SVEP1: variants seen among roughly 807,000 people sequenced by gnomAD.
SVEP1 encodes the protein sushi, von Willebrand factor type A, EGF and pentraxin domain containing 1.
In SVEP1, 164 loss-of-function variants were observed where a neutral mutation model predicts 367.3. That is an observed-to-expected ratio of 0.45 (90% CI 0.39 to 0.51). SVEP1 has a LOEUF of 0.51. SVEP1 is among the 20% of genes least tolerant of loss of function. The probability of loss-of-function intolerance (pLI) is 0.00; values close to 1 mark genes in which losing one functional copy is unlikely to be tolerated. For missense variants in SVEP1, 4,117 were observed against 4,425.3 expected (o/e 0.93, Z 1.98); for synonymous variants, 1,666 against 1,611.6 (o/e 1.03, Z -0.81).
chr9:110,432,157 A>C (rs1828360073), intron 31 of SVEP1, 123 bp from the exon 32 acceptor site: 1 of 1,136,896 alleles, frequency 8.8e-7, no homozygotes, highest in Admixed American at 3.2e-5. Context: ...ATTTGTATAG[A>C]ATTTAAATAT....
chr9:110,433,830 ACCTTT>A (rs1422056912), intron 30 of SVEP1, among the ~76,000 whole-genome samples: 1 of 151,600 alleles, frequency 6.6e-6, no homozygotes, highest in Non-Finnish European at 1.5e-5. Flanking sequence ...TCTAGCCCTT[ACCTTT>A]ATTATTTACT....
At chr9:110,460,590 TAA>T (rs2118641375) in intron 18 of SVEP1, among the ~76,000 whole-genome samples, 1 of 152,220 alleles carries the variant, frequency 6.6e-6, no homozygotes, top group African/African-American at 2.4e-5. Context: ...CCGTCTCTAC[TAA>T]AAGTACAAAA....
At chr9:110,382,458 T>C (rs570559606) in intron 43 of SVEP1, among the ~76,000 whole-genome samples, 2 of 152,350 alleles carry the variant, frequency 1.3e-5, no homozygotes, top group East Asian at 3.9e-4. Context: ...GGGCTTCCCT[T>C]TGTAGGTCAC....
chr9:110,466,499 C>T (rs1342689140), intron 17 of SVEP1, among the ~76,000 whole-genome samples: 1 of 152,096 alleles, frequency 6.6e-6, no homozygotes, highest in Non-Finnish European at 1.5e-5. Flanking sequence ...TGGCTCACGC[C>T]TGTAATCCCA....
intron 40 of SVEP1, among the ~76,000 whole-genome samples, chr9:110,393,521 G>C (rs1442445459): frequency 6.6e-6 from 1 of 152,154 alleles, no homozygotes; most frequent in East Asian, 1.9e-4. Context: ...CCAGACAGTG[G>C]GTGCAGTGCA....
intron 7 of SVEP1, among the ~76,000 whole-genome samples, 180 bp from the exon 8 acceptor site, chr9:110,497,113 G>C (rs1376913399): frequency 2.0e-5 from 3 of 152,110 alleles, no homozygotes; most frequent in Non-Finnish European, 1.5e-5. Flanking sequence ...CATGGCTTAC[G>C]AGCCCAATCT....
chr9:110,489,653 T>C lies in SVEP1; in HGVS notation c.1927A>G (p.Ile643Val), dbSNP rs1829336319. Residue 643 changes from isoleucine (I) to valine (V), a missense_variant, in exon 9 of 48, where the codon ATT (isoleucine) becomes GTT (valine). Physicochemically the swap from Ile to Val is conservative, Grantham distance 29. This residue lies in a region of SVEP1 where 2,174 missense variants were observed against 2,494.3 expected (regional missense o/e 0.87). Transcript: ENST00000374469. ...QASCIFHIKVIDAEPPVIDWC... is the reference protein window; with the variant it reads ...QASCIFHIKVVDAEPPVIDWC... ...ACAACCAAACTATATCACTTACCAATAACCTTGATATGGAAAATGCAGCTG... is the reference window on the plus strand; with the variant it reads ...ACAACCAAACTATATCACTTACCAACAACCTTGATATGGAAAATGCAGCTG... 1 of 1,611,982 alleles carries C rather than the reference T, an allele frequency of 6.2e-7. No homozygotes were observed. Among genetic ancestry groups the C allele is most frequent in the African/African-American group, 1.3e-5 (1 of 74,846 alleles).
chr9:110,391,358 C>T (rs1470373032), intron 40 of SVEP1, among the ~76,000 whole-genome samples: 2 of 151,602 alleles, frequency 1.3e-5, no homozygotes, highest in African/African-American at 2.4e-5. Context: ...GCAACCTCCA[C>T]CTCCTGTGTT....
intron 3 of SVEP1, among the ~76,000 whole-genome samples, chr9:110,538,199 T>C (rs1314663082): frequency 3.3e-5 from 5 of 151,954 alleles, no homozygotes; most frequent in Admixed American, 6.6e-5. Context: ...CCTCATTCAA[T>C]AGAAATGGAA....
intron 3 of SVEP1, among the ~76,000 whole-genome samples, chr9:110,523,654 A>G (rs964350039): frequency 8.5e-5 from 13 of 152,150 alleles, no homozygotes; most frequent in African/African-American, 3.1e-4. Flanking sequence ...AAAAAGATAC[A>G]TTGTGCAAAC....
intron 43 of SVEP1, among the ~76,000 whole-genome samples, chr9:110,383,595 G>T (rs373629455): frequency 2.8e-4 from 42 of 152,180 alleles, no homozygotes; most frequent in African/African-American, 1.0e-3. Context: ...ATGGGATCAG[G>T]GACTCGCTTA....
chr9:110,414,318 G>A (rs556512323), intron 36 of SVEP1, among the ~76,000 whole-genome samples: 2 of 151,960 alleles, frequency 1.3e-5, no homozygotes, highest in Non-Finnish European at 2.9e-5. Flanking sequence ...GAGAAATCAG[G>A]AAAAAAATAA....
chr9:110,571,478 C>T (rs895193836), intron 1 of SVEP1, among the ~76,000 whole-genome samples: 10 of 152,162 alleles, frequency 6.6e-5, no homozygotes, highest in Non-Finnish European at 1.2e-4. Flanking sequence ...CAGTAGCCAA[C>T]TGAGACCATG....
At chr9:110,552,612 G>A (rs554883768) in intron 1 of SVEP1, among the ~76,000 whole-genome samples, 2 of 152,170 alleles carry the variant, frequency 1.3e-5, no homozygotes, top group African/African-American at 4.8e-5. Flanking sequence ...GGGACAGAGT[G>A]CACAACTTAG....
chr9:110,524,085 A>T (rs1276267037), intron 3 of SVEP1, among the ~76,000 whole-genome samples: 5 of 152,140 alleles, frequency 3.3e-5, no homozygotes. Context: ...AAAAATTATA[A>T]ACTATGATAA....
chr9:110,430,485 G>A (rs1700652935), intron 32 of SVEP1, 35 bp from the exon 33 acceptor site: 12 of 1,573,560 alleles, frequency 7.6e-6, no homozygotes, highest in Non-Finnish European at 1.0e-5. Context: ...ATAATAAGTG[G>A]CTTTCACACA....
intron 18 of SVEP1, among the ~76,000 whole-genome samples, chr9:110,462,369 A>G (rs1478692883): frequency 1.3e-5 from 2 of 152,016 alleles, no homozygotes; most frequent in East Asian, 3.8e-4. Context: ...CAATTTTATT[A>G]GTTTAAGTTA....
rs779370557 is a variant in SVEP1 at position 110,503,112 on chromosome 9, T to C, written c.1409A>G (p.Tyr470Cys). 1.2e-6 allele frequency: 2 copies of C among 1,612,414 alleles called. No individual in the cohort carries two copies. The highest frequency in any genetic ancestry group is 1.1e-5 in the South Asian group (1 of 91,074). Reference protein sequence around the residue: ...TTCLVACDEGYRLEGSDKLTC... With the variant: ...TTCLVACDEGCRLEGSDKLTC... ...AAGCTTATCACTGCCTTCTAGTCTGTACCCTTCATCACAGGCAACCAAACA... is the reference window on the plus strand; with the variant it reads ...AAGCTTATCACTGCCTTCTAGTCTGCACCCTTCATCACAGGCAACCAAACA... Residue 470 changes from tyrosine (Y) to cysteine (C), a missense_variant, in exon 6 of 48, where the codon TAC becomes TGC. Tyr to Cys is a radical substitution (Grantham distance 194, BLOSUM62 -2). Coordinates refer to ENST00000374469, the MANE Select transcript of SVEP1 (RefSeq NM_153366.4).
chr9:110,390,080 T>TAC (rs1564127188), intron 40 of SVEP1, among the ~76,000 whole-genome samples: 1 of 130,020 alleles, frequency 7.7e-6, no homozygotes, highest in Non-Finnish European at 1.7e-5. Context: ...TATATATACG[T>TAC]GTATATATAC....
Sources: gnomAD v4.1 joint callset for allele counts (sites outside exome capture counted in the v4.1 genomes callset) on GRCh38, gnomAD v4.1.1 for gene constraint, gnomAD v4.1.1 regional missense constraint, MANE v1.5 for transcripts, NCBI Gene and HGNC (gene_info 2026-07-23, HGNC 2026-07-21) for gene names.